Variants in SPOCK1 observed in about 807,000 individuals in gnomAD.
The protein encoded by SPOCK1 is testican-1.
A neutral mutation model predicts 55.3 loss-of-function variants in SPOCK1; 23 were observed. That is an observed-to-expected ratio of 0.42 (90% CI 0.30 to 0.59). The LOEUF (loss-of-function observed/expected upper bound fraction) is 0.59. Ranked by LOEUF, SPOCK1 falls within the 20% of genes least tolerant of loss-of-function variation. The probability of loss-of-function intolerance (pLI) is 0.22; values close to 1 mark genes in which losing one functional copy is unlikely to be tolerated. For synonymous variants in SPOCK1, 226 were observed against 221.0 expected, an observed-to-expected ratio of 1.02 and a Z score of -0.20; for missense variants, 499 against 552.5, an observed-to-expected ratio of 0.90 and a Z score of 0.97.
At chr5:137,114,558 C>T (rs1753541981) in intron 4 of SPOCK1, among the ~76,000 whole-genome samples, 1 of 152,180 alleles carries the variant, frequency 6.6e-6, no homozygotes, top group East Asian at 1.9e-4. Flanking sequence ...CATGAGGCCT[C>T]CTATTATCCT....
At chr5:137,489,877 A>G (rs1754137401) in intron 2 of SPOCK1, among the ~76,000 whole-genome samples, 1 of 152,180 alleles carries the variant, frequency 6.6e-6, no homozygotes, top group South Asian at 2.1e-4. Flanking sequence ...CTCAGCTTCA[A>G]TGCCCTTCCC....
At chr5:137,237,424 A>G (rs1442326043) in intron 3 of SPOCK1, among the ~76,000 whole-genome samples, 1 of 152,182 alleles carries the variant, frequency 6.6e-6, no homozygotes, top group Non-Finnish European at 1.5e-5. Flanking sequence ...ACATCTATGA[A>G]CTGCTTTCAC....
chr5:137,467,797 G>A (rs149010476), intron 2 of SPOCK1, among the ~76,000 whole-genome samples: 115 of 152,266 alleles, frequency 7.6e-4, no homozygotes, highest in Non-Finnish European at 1.2e-3. Flanking sequence ...ACATGGCAGG[G>A]GCTCAGCAAA....
At chr5:137,056,804 T>C (rs940243188) in intron 6 of SPOCK1, among the ~76,000 whole-genome samples, 1 of 151,966 alleles carries the variant, frequency 6.6e-6, no homozygotes, top group Non-Finnish European at 1.5e-5. Flanking sequence ...CCAGAGTAAA[T>C]TGGTGCTCTC....
intron 3 of SPOCK1, among the ~76,000 whole-genome samples, chr5:137,153,671 T>A (rs377143208): frequency 6.6e-6 from 1 of 151,188 alleles, no homozygotes; most frequent in African/African-American, 2.4e-5. Context: ...CTGGGCAACA[T>A]AGCAAAACCC....
chr5:137,267,016 C>A lies in SPOCK1; in HGVS notation c.226G>T (p.Asp76Tyr), dbSNP rs759953656. The A allele has an allele frequency of 6.2e-7, 1 of 1,612,814 alleles. No homozygotes were observed. The change falls in exon 3 of 11, where the codon GAC becomes TAC. Residue 76 changes from aspartate to tyrosine, a missense_variant. This residue lies in a region of SPOCK1 where 386 missense variants were observed against 400.6 expected (regional missense o/e 0.96). Transcript: ENST00000394945. ...FRNWNPNKPF[D>Y]QALDPSKDPC... ...GAAATATTGCATCCATTACCTTGGT[C>A]AAAGGGCTTGTTGGGATTCCAGTTT... is the stretch of plus-strand genomic sequence containing the variant.
intron 4 of SPOCK1, among the ~76,000 whole-genome samples, chr5:137,115,441 CCT>C (rs1554098259): frequency 2.0e-5 from 3 of 151,674 alleles, no homozygotes; most frequent in East Asian, 3.9e-4. Context: ...ATTTTCATCC[CCT>C]GTTTTGGCAT....
chr5:137,373,817 C>T (rs1034824424), intron 2 of SPOCK1, among the ~76,000 whole-genome samples: 4 of 152,198 alleles, frequency 2.6e-5, no homozygotes, highest in African/African-American at 9.7e-5. Context: ...CCTGGCTCAG[C>T]GTCTTACTAG....
rs183907710 is a variant in SPOCK1 at position 137,000,960 on chromosome 5, G to A, written c.590-8360C>T. Among the ~76,000 whole-genome samples, 7 of 152,252 alleles carry A rather than the reference G, an allele frequency of 4.6e-5. No homozygotes were observed. In the East Asian group the frequency reaches 5.8e-4, roughly 13 times the overall value. Reference sequence around the variant, plus strand: ...TGAGGTTCCAGTGAGCCGAGATCACGCCACTGCACTCTAGCCTAGAAGACA... The same window carrying A: ...TGAGGTTCCAGTGAGCCGAGATCACACCACTGCACTCTAGCCTAGAAGACA... On this transcript the variant is annotated intron_variant, in intron 6 of 10. Transcript: ENST00000394945.
chr5:137,194,115 G>A (rs964445358), intron 3 of SPOCK1, among the ~76,000 whole-genome samples: 2 of 152,188 alleles, frequency 1.3e-5, no homozygotes, highest in Non-Finnish European at 2.9e-5. Context: ...TGGGCAGAAT[G>A]GCGAAGCATT....
chr5:137,041,454 AATAG>A (rs1021142532), intron 6 of SPOCK1, among the ~76,000 whole-genome samples: 1 of 152,228 alleles, frequency 6.6e-6, no homozygotes, highest in Non-Finnish European at 1.5e-5. Flanking sequence ...TAAAAGAAAA[AATAG>A]ATAAGTTGGA....
intron 3 of SPOCK1, among the ~76,000 whole-genome samples, chr5:137,144,405 T>G (rs1337649307): frequency 1.3e-5 from 2 of 152,238 alleles, no homozygotes; most frequent in Non-Finnish European, 2.9e-5. Flanking sequence ...CTTAACAATT[T>G]GCATACAGAA....
intron 6 of SPOCK1, among the ~76,000 whole-genome samples, chr5:137,020,457 A>C (rs996622194): frequency 1.4e-5 from 2 of 146,880 alleles, no homozygotes; most frequent in Non-Finnish European, 3.0e-5. Context: ...ACTTAATAAT[A>C]TAAAAGATAT....
chr5:137,434,602 T>C (rs11242381), intron 2 of SPOCK1, among the ~76,000 whole-genome samples: 150,745 of 150,912 alleles, frequency 1, 75,289 homozygotes, highest in Middle Eastern at 1. Context: ...TGGGTTCACG[T>C]CATTCTCCTG....
intron 3 of SPOCK1, among the ~76,000 whole-genome samples, chr5:137,193,612 G>A (rs866904782): frequency 1.3e-5 from 2 of 152,164 alleles, no homozygotes; most frequent in African/African-American, 2.4e-5. Flanking sequence ...CTTGGTGTCC[G>A]CCTCTGATGA....
At chr5:137,117,455 A>G (rs939297084) in intron 4 of SPOCK1, among the ~76,000 whole-genome samples, 1 of 152,190 alleles carries the variant, frequency 6.6e-6, no homozygotes, top group African/African-American at 2.4e-5. Flanking sequence ...TTTTGTGTCT[A>G]TCTTCCTCAA....
chr5:137,150,003 A>G (rs529358890), intron 3 of SPOCK1, among the ~76,000 whole-genome samples: 21 of 152,180 alleles, frequency 1.4e-4, no homozygotes, highest in African/African-American at 4.8e-4. Flanking sequence ...CGCACAGTTC[A>G]TGCTCATTTA....
intron 3 of SPOCK1, among the ~76,000 whole-genome samples, chr5:137,153,894 A>G (rs1754364602): frequency 6.6e-6 from 1 of 151,864 alleles, no homozygotes; most frequent in African/African-American, 2.4e-5. Context: ...GAAGAAGAAG[A>G]AAAGAAAGAA....
chr5:137,109,343 T>C (rs1753424041), intron 5 of SPOCK1, among the ~76,000 whole-genome samples: 1 of 152,190 alleles, frequency 6.6e-6, no homozygotes, highest in South Asian at 2.1e-4. Flanking sequence ...ATGGCTTGTT[T>C]TTTTCTATTG....
Sources: allele counts gnomAD v4.1 joint callset (sites outside exome capture counted in the v4.1 genomes callset), GRCh38; gene constraint gnomAD v4.1.1; regional missense constraint gnomAD v4.1.1; transcripts MANE v1.5; gene names NCBI Gene and HGNC (gene_info 2026-07-23, HGNC 2026-07-21).